CENPM: variants seen among roughly 807,000 people sequenced by gnomAD.
CENPM encodes the protein interphase centromere complex protein 39.
CENPM carries 14 observed loss-of-function variants against 19.6 expected under a neutral mutation model. That is an observed-to-expected ratio of 0.71 (90% CI 0.47 to 1.11). The LOEUF is 1.11. CENPM is among the 50% of genes most tolerant of loss of function. CENPM has a pLI of 0.00. For missense variants in CENPM, 239 were observed against 228.4 expected, an observed-to-expected ratio of 1.05 and a Z score of -0.30; for synonymous variants, 114 against 101.5, an observed-to-expected ratio of 1.12 and a Z score of -0.74.
downstream of CENPM, among the ~76,000 whole-genome samples, chr22:41,935,361 A>G (rs571880337): frequency 6.6e-6 from 1 of 152,104 alleles, no homozygotes; most frequent in African/African-American, 2.4e-5. Flanking sequence ...GGCTGCATCC[A>G]CACCGCCTTC....
intron 4 of CENPM, among the ~76,000 whole-genome samples, chr22:41,944,403 T>C (rs530427936): frequency 7.7e-6 from 1 of 129,946 alleles, no homozygotes; most frequent in African/African-American, 3.0e-5. Context: ...GCCATAGCAC[T>C]CCAGCCTGGG....
At chr22:41,942,073 G>T (rs1384794088) in intron 5 of CENPM, among the ~76,000 whole-genome samples, 1 of 152,204 alleles carries the variant, frequency 6.6e-6, no homozygotes. Context: ...TGCTGACTCG[G>T]TTCTCCCTGC....
At chr22:41,934,484 C>A (rs1192023036), downstream of CENPM, among the ~76,000 whole-genome samples, 1 of 152,188 alleles carries the variant, frequency 6.6e-6, no homozygotes, top group Non-Finnish European at 1.5e-5. Flanking sequence ...TAGCCTTCGC[C>A]CCCCCATTCC....
chr22:41,939,261 C>A, intron 5 of CENPM, 65 bp from the exon 6 acceptor site: 3 of 1,512,208 alleles, frequency 2.0e-6, no homozygotes, highest in South Asian at 1.3e-5. Context: ...CCCAGAGCAG[C>A]TGCAGGGGCT....
intron 5 of CENPM, among the ~76,000 whole-genome samples, chr22:41,939,978 G>A (rs555474448): frequency 1.1e-4 from 17 of 151,804 alleles, no homozygotes; most frequent in African/African-American, 4.1e-4. Context: ...CAGCCAGAGG[G>A]GTCCATTTAA....
At chr22:41,938,533 T>C (rs978307398), downstream of CENPM, among the ~76,000 whole-genome samples, 1 of 152,012 alleles carries the variant, frequency 6.6e-6, no homozygotes, top group African/African-American at 2.4e-5. Context: ...ATCTGGCTAA[T>C]TTTTGTATTT....
At chr22:41,933,463 G>A in the CENPM span, among the ~76,000 whole-genome samples, 4 of 152,084 alleles carry the variant, frequency 2.6e-5, no homozygotes, top group East Asian at 1.9e-4. Context: ...TGGCCAGCTC[G>A]CAGGGGCCCC....
intron 1 of CENPM, 85 bp from the exon 2 acceptor site, chr22:41,946,581 G>C (rs1371666181): frequency 2.7e-6 from 3 of 1,105,762 alleles, no homozygotes; most frequent in Admixed American, 2.3e-5. Flanking sequence ...ACTCCCGGGG[G>C]GATCGGGACA....
intron 5 of CENPM, chr22:41,940,197 C>G (rs777569489): frequency 3.9e-6 from 3 of 760,670 alleles, no homozygotes; most frequent in South Asian, 1.4e-5. Context: ...CCTCCTTCCA[C>G]GAGGTATCTC....
At chr22:41,946,053 T>C (rs764185824) in intron 2 of CENPM, 48 bp from the exon 3 acceptor site, 78 of 1,486,038 alleles carry the variant, frequency 5.2e-5, no homozygotes, top group Admixed American at 2.3e-4. Context: ...ACCCCCCTCA[T>C]AGCGACCGTT....
chr22:41,943,600 G>A lies in CENPM; in HGVS notation c.402+10C>T. On this transcript the variant is annotated intron_variant, in intron 5 of 5. Transcript: ENST00000215980. ...AGTATAGTGTTGGTCTCTGTGATCA[G>A]CATGCTCACCTCCAGGTCACAGTAG... 1 of 1,609,970 alleles carries A rather than the reference G, an allele frequency of 6.2e-7. No individual in the cohort carries two copies. Among genetic ancestry groups the A allele is most frequent in the Non-Finnish European group, 8.5e-7 (1 of 1,177,012 alleles).
chr22:41,945,214 A>T lies in CENPM; in HGVS notation c.310+11T>A. On this transcript the variant is annotated intron_variant, in intron 4 of 5. Coordinates refer to ENST00000215980, the MANE Select transcript of CENPM (RefSeq NM_024053.5). ...TGGGGGTGGGCAGTAACAGGCGAGG[A>T]ACGTACTTACCACCTGTGGCGAGGA... is the stretch of plus-strand genomic sequence containing the variant. 2 of 1,613,870 alleles carry T rather than the reference A, an allele frequency of 1.2e-6. No homozygotes were observed. The highest frequency in any genetic ancestry group is 1.7e-6 in the Non-Finnish European group (2 of 1,179,962).
In CENPM at chr22:41,945,991, G is replaced by A. The variant is rs2077796591; in HGVS notation, c.152C>T (p.Ser51Phe). 1.2e-6 allele frequency: 2 copies of A among 1,613,770 alleles called. No homozygotes were observed. The highest frequency in any genetic ancestry group is 1.1e-5 in the South Asian group (1 of 91,052). ...ATTCACACTGGAGGGCAAAGGGAGG[G>A]ACTTTGCCAAGTGGCTGAAAAACAG... ...ASELKVHLAK[S>F]LPLPSSVNRP... is the part of the protein sequence containing the mutation. Residue 51 changes from serine (S) to phenylalanine (F), a missense_variant, in exon 3 of 6, where the codon TCC becomes TTC. Ser to Phe is a radical substitution (Grantham distance 155). Transcript: ENST00000215980.
At chr22:41,946,223 G>A (rs1322394738) in intron 2 of CENPM, 194 bp downstream of exon 2, 2 of 648,806 alleles carry the variant, frequency 3.1e-6, no homozygotes, top group Non-Finnish European at 5.4e-6. Context: ...GCCAGAAACG[G>A]GCTCTGTTTA....
intron 4 of CENPM, 143 bp downstream of exon 4, chr22:41,945,082 C>A: frequency 1.3e-6 from 2 of 1,523,444 alleles, no homozygotes; most frequent in East Asian, 2.5e-5. Flanking sequence ...CTCCTTCTTC[C>A]TGCCCTCCAC....
chr22:41,941,630 C>G (rs1433045351), intron 5 of CENPM, among the ~76,000 whole-genome samples: 1 of 152,252 alleles, frequency 6.6e-6, no homozygotes, highest in Non-Finnish European at 1.5e-5. Flanking sequence ...GACAGCAGAA[C>G]AGCTGGCTCT....
chr22:41,938,133 C>T (rs565789831), downstream of CENPM, among the ~76,000 whole-genome samples: 5 of 145,292 alleles, frequency 3.4e-5, no homozygotes, highest in African/African-American at 7.7e-5. Flanking sequence ...GGAACCACCG[C>T]GCCCAGCATT....
Position 41,945,302 on chromosome 22 carries a change from A to G in CENPM, c.233T>C (p.Leu78Pro). ...FVVNLHSKYSLQNTEESLRHV... is the reference protein window; with the variant it reads ...FVVNLHSKYSPQNTEESLRHV... ...GCGCAGGGACTCCTCTGTGTTCTGG[A>G]GACTGGGGTGGCCAGGCCAGGGTGA... The change falls in exon 4 of 6, where the codon CTC becomes CCC. Residue 78 changes from leucine to proline, a missense_variant and splice_region_variant. Physicochemically the swap from Leu to Pro is moderately conservative, Grantham distance 98. Coordinates refer to ENST00000215980, the MANE Select transcript of CENPM (RefSeq NM_024053.5). The G allele has an allele frequency of 6.2e-7, 1 of 1,614,046 alleles. No homozygotes were observed. The highest frequency in any genetic ancestry group is 8.5e-7 in the Non-Finnish European group (1 of 1,180,026).
At chr22:41,946,048 C>A (rs960583480) in intron 2 of CENPM, 43 bp from the exon 3 acceptor site, 6 of 1,520,586 alleles carry the variant, frequency 3.9e-6, no homozygotes, top group Non-Finnish European at 5.5e-6. Flanking sequence ...TCCGTACCCC[C>A]CTCATAGCGA....
Sources: allele counts gnomAD v4.1 joint callset (sites outside exome capture counted in the v4.1 genomes callset), GRCh38; gene constraint gnomAD v4.1.1; transcripts MANE v1.5; gene names NCBI Gene and HGNC (gene_info 2026-07-23, HGNC 2026-07-21).